ADAMTS7: variants seen among roughly 807,000 people sequenced by gnomAD.
ADAMTS7 encodes A disintegrin and metalloproteinase with thrombospondin motifs 7.
ADAMTS7 carries 89 observed loss-of-function variants against 172.6 expected under a neutral mutation model. That is an observed-to-expected ratio of 0.52 (90% confidence interval 0.43 to 0.61). The LOEUF is 0.61. Among genes scored for constraint, ADAMTS7 ranks in the 20% least tolerant of loss-of-function variants. The pLI, the probability that ADAMTS7 is intolerant of heterozygous loss-of-function variation, is 0.00. For missense variants in ADAMTS7, 1,973 were observed against 2,355.6 expected (o/e 0.84, Z 3.36); for synonymous variants, 885 against 978.4 (o/e 0.90, Z 1.78).
intron 9 of ADAMTS7, chr15:78,777,211 T>C: frequency 4.8e-6 from 3 of 622,856 alleles, no homozygotes; most frequent in South Asian, 4.1e-5. Context: ...CGAAGGGACT[T>C]GTCCGAAGGG....
chr15:78,762,374 A>G (rs915216317), intron 23 of ADAMTS7, 29 bp downstream of exon 23: 38 of 1,396,388 alleles, frequency 2.7e-5, no homozygotes, highest in Non-Finnish European at 3.5e-5. Context: ...ACCTCACTTC[A>G]GCAGGGAGCC....
chr15:78,774,269 C>T lies in ADAMTS7; in HGVS notation c.1908G>A (p.Ala636=), dbSNP rs755937777. The T allele has an allele frequency of 3.5e-5, 55 of 1,577,088 alleles. No individual in the cohort carries two copies. The highest frequency in any genetic ancestry group is 5.7e-5 in the South Asian group (5 of 87,434). ...GCAGCTTCTCGGCAAAGTACTCATTCGCGGGCCGGCAGTGCAGCTCGCAGG... is the reference window on the plus strand; with the variant it reads ...GCAGCTTCTCGGCAAAGTACTCATTTGCGGGCCGGCAGTGCAGCTCGCAGG... ...VNPCELHCRP[A]NEYFAEKLRD... is the part of the protein sequence containing the mutation. The change falls in exon 13 of 24, where the codon GCG becomes GCA. Residue 636 remains alanine, a synonymous_variant. Coordinates refer to ENST00000388820, the MANE Select transcript of ADAMTS7 (RefSeq NM_014272.5).
chr15:78,775,173 C>T (rs2055322676), intron 11 of ADAMTS7, among the ~76,000 whole-genome samples: 1 of 152,226 alleles, frequency 6.6e-6, no homozygotes, highest in African/African-American at 2.4e-5. Flanking sequence ...GGAGGGACTG[C>T]TCCGAGTCTC....
At chr15:78,764,751 G>A (rs6495267) in intron 19 of ADAMTS7, 44 bp from the exon 20 acceptor site, 548,567 of 1,437,538 alleles carry the variant, frequency 0.38, 111,856 homozygotes, top group Non-Finnish European at 0.43. Flanking sequence ...TCCCATCCCC[G>A]CCAGGCCTCC....
rs2055251712 is a variant in ADAMTS7, at chr15:78,771,689, T to C, written c.2272A>G (p.Asn758Asp). ...GTCCCTGCCACCTGGTAGTCCCCGT[T>C]CCACTGGATGGTCCAGCCACCATTG... ...FLNGGWTIQW[N>D]GDYQVAGTTF... is the part of the protein sequence containing the mutation. The change falls in exon 15 of 24, where the codon AAC becomes GAC. Residue 758 changes from asparagine (N) to aspartate (D), a missense_variant. Asn to Asp is a conservative substitution (Grantham distance 23, BLOSUM62 1). Around this residue, in one of 8 missense-constraint regions of ADAMTS7, gnomAD observed 771 missense variants for 952.6 expected, o/e 0.81. Coordinates refer to ENST00000388820, the MANE Select transcript of ADAMTS7 (RefSeq NM_014272.5). This position sits in a 1 kb window ranked among gnomAD's most constrained non-coding sequence, Gnocchi z 4.9. 3 of 1,605,542 alleles carry C rather than the reference T, an allele frequency of 1.9e-6. No individual in the cohort carries two copies. The highest frequency in any genetic ancestry group is 2.5e-6 in the Non-Finnish European group (3 of 1,179,914).
At position 78,774,264 on chromosome 15, in the gene ADAMTS7, T is replaced by A. The variant is rs764848621; in HGVS notation, c.1913A>T (p.Glu638Val). 19 of 1,579,086 alleles carry A rather than the reference T, an allele frequency of 1.2e-5. No individual in the cohort carries two copies. The Admixed American group carries it at 1.2e-4, about 10-fold the overall frequency. Residue 638 changes from glutamate to valine, a missense_variant, in exon 13 of 24, where the codon GAG becomes GTG. By Grantham distance (121) the Glu-to-Val change is moderately radical. This residue lies in a region of ADAMTS7 where 526 missense variants were observed against 662.9 expected (regional missense o/e 0.79). Coordinates refer to ENST00000388820, the MANE Select transcript of ADAMTS7 (RefSeq NM_014272.5). ...GTCCCGCAGCTTCTCGGCAAAGTAC[T>A]CATTCGCGGGCCGGCAGTGCAGCTC... ...PCELHCRPAN[E>V]YFAEKLRDAV... is the part of the protein sequence containing the mutation.
chr15:78,776,515 C>A (rs1311100195), intron 10 of ADAMTS7, 182 bp from the exon 11 acceptor site: 1 of 971,112 alleles, frequency 1.0e-6, no homozygotes, highest in South Asian at 1.7e-5. Context: ...AGGAGCTGAG[C>A]GGGGAGTAAA....
At chr15:78,784,550 T>A (rs1304047670) in intron 8 of ADAMTS7, among the ~76,000 whole-genome samples, 1 of 152,090 alleles carries the variant, frequency 6.6e-6, no homozygotes, top group Non-Finnish European at 1.5e-5. Flanking sequence ...AAGAAAGTTG[T>A]CAAATAAATA....
intron 1 of ADAMTS7, among the ~76,000 whole-genome samples, chr15:78,804,908 G>A (rs1379877649): frequency 6.6e-6 from 1 of 152,206 alleles, no homozygotes; most frequent in Non-Finnish European, 1.5e-5. Flanking sequence ...GGACTAGGAA[G>A]CTATGTTTTT....
intron 13 of ADAMTS7, among the ~76,000 whole-genome samples, chr15:78,773,591 G>A (rs897585337): frequency 6.6e-6 from 1 of 152,082 alleles, no homozygotes; most frequent in African/African-American, 2.4e-5. Flanking sequence ...GGTCCTCCTC[G>A]GAGCCCAGGC....
In ADAMTS7 at chr15:78,771,375, C is replaced by G; in HGVS notation, c.2377-72G>C. 2 of 1,605,716 alleles carry G rather than the reference C, an allele frequency of 1.2e-6. No individual in the cohort carries two copies. The highest frequency in any genetic ancestry group is 1.7e-6 in the Non-Finnish European group (2 of 1,175,858). ...CCACCCAGTCCTAAAGGAGCTGACC[C>G]CAGCCACCTCTGTGAACTGCAGCTA... is the stretch of plus-strand genomic sequence containing the variant. On this transcript the variant is annotated intron_variant, in intron 15 of 23. Coordinates refer to ENST00000388820, the MANE Select transcript of ADAMTS7 (RefSeq NM_014272.5). The surrounding 1 kb of genome is among the most constrained non-coding windows in gnomAD (Gnocchi z 4.9).
chr15:78,796,034 C>T lies in ADAMTS7; in HGVS notation c.819+556G>A, dbSNP rs542237497. 1.2e-4 allele frequency among the ~76,000 whole-genome samples: 18 copies of T among 152,342 alleles called. 1 individual carries two copies. The South Asian group carries it at 3.7e-3, about 32-fold the overall frequency. On this transcript the variant is annotated intron_variant, in intron 4 of 23. Transcript: ENST00000388820. The stretch of plus-strand genomic sequence containing the variant: ...AGCAGTTTGCCCACCCCACAAGGTA[C>T]TGTCGTCATGCCCAGTTCACAGATG...
At position 78,798,072 on chromosome 15, in the gene ADAMTS7, C is replaced by A. The variant is rs753084506; in HGVS notation, c.498G>T (p.Glu166Asp). 3.2e-6 allele frequency: 5 copies of A among 1,566,606 alleles called. No individual in the cohort carries two copies. The Middle Eastern group carries it at 5.2e-4, about 162-fold the overall frequency. Residue 166 changes from glutamate to aspartate, a missense_variant, in exon 3 of 24, where the codon GAG becomes GAT. Glu to Asp is a conservative substitution (Grantham distance 45). Around this residue, in one of 8 missense-constraint regions of ADAMTS7, gnomAD observed 306 missense variants for 288.0 expected, o/e 1.06. Transcript: ENST00000388820. The stretch of plus-strand genomic sequence containing the variant: ...GCCGGGCCGGGGCACTGTCCAGGGG[C>A]TCAATGAAGTAGTCCTCGTTGGAGA... Reference protein sequence around the residue: ...FQLSNEDYFIEPLDSAPARPG... With the variant: ...FQLSNEDYFIDPLDSAPARPG...
intron 9 of ADAMTS7, 44 bp from the exon 10 acceptor site, chr15:78,776,885 G>A (rs374315999): frequency 1.4e-6 from 2 of 1,480,682 alleles, no homozygotes; most frequent in African/African-American, 2.8e-5. Context: ...ACCCTCCCCA[G>A]TGCCGCCACC....
rs138150952 is a variant in ADAMTS7, at chr15:78,798,013, C to T, written c.557G>A (p.Arg186His). The T allele has an allele frequency of 1.9e-5, 30 of 1,582,312 alleles. No individual in the cohort carries two copies. Among genetic ancestry groups the T allele is most frequent in the African/African-American group, 6.9e-5 (5 of 72,332 alleles). Residue 186 changes from arginine to histidine, a missense_variant, in exon 3 of 24, where the codon CGT becomes CAT. By Grantham distance (29) the Arg-to-His change is conservative (BLOSUM62 0). Around this residue, in one of 8 missense-constraint regions of ADAMTS7, gnomAD observed 306 missense variants for 288.0 expected, o/e 1.06. Coordinates refer to ENST00000388820, the MANE Select transcript of ADAMTS7 (RefSeq NM_014272.5). The stretch of plus-strand genomic sequence containing the variant: ...CTGTGCCAGCCTCTCCGGGGCCTGA[C>T]GCTTGTACACCACATGGGGCTGGGC... ...GHAQPHVVYK[R>H]QAPERLAQRG...
chr15:78,773,852 C>T (rs929079211), intron 13 of ADAMTS7, among the ~76,000 whole-genome samples: 12 of 152,330 alleles, frequency 7.9e-5, no homozygotes, highest in South Asian at 2.1e-4. Flanking sequence ...GCCTGAGCTC[C>T]GGTTTCCTGG....
Position 78,774,714 on chromosome 15 carries a change from G to A in ADAMTS7, c.1786C>T (p.Arg596Cys), listed in dbSNP as rs751603055. The part of the protein sequence containing the change: ...LCNLQACPAG[R>C]PSFRHVQCSH... ...CACTGGACGTGGCGGAAGGAGGGGC[G>A]GCCAGCAGGGCAGGCCTGCAGGTTG... is the stretch of plus-strand genomic sequence containing the variant. Residue 596 changes from arginine to cysteine, a missense_variant, in exon 12 of 24, where the codon CGC becomes TGC. By Grantham distance (180) the Arg-to-Cys change is radical. Coordinates refer to ENST00000388820, the MANE Select transcript of ADAMTS7 (RefSeq NM_014272.5). 39 of 1,611,488 alleles carry A rather than the reference G, an allele frequency of 2.4e-5. No individual in the cohort carries two copies. The highest frequency in any genetic ancestry group is 2.4e-4 in the African/African-American group (18 of 74,870).
In ADAMTS7 at chr15:78,802,591, C is replaced by T. The variant is rs151161474; in HGVS notation, c.101-2044G>A. Among the ~76,000 whole-genome samples, 425 of 152,350 alleles carry T rather than the reference C, an allele frequency of 2.8e-3. 2 individuals carry two copies. The highest frequency in any genetic ancestry group is 9.3e-3 in the African/African-American group (388 of 41,590). ...TGCTCAGGCCCTTGCAGTTTAAAAA[C>T]CCCTCTCTGTTGCTCTGTCCTCCTG... On this transcript the variant is annotated intron_variant, in intron 1 of 23. Transcript: ENST00000388820.
chr15:78,792,921 C>T (rs1460256226), intron 4 of ADAMTS7, among the ~76,000 whole-genome samples: 7 of 152,178 alleles, frequency 4.6e-5, no homozygotes, highest in Non-Finnish European at 1.0e-4. Context: ...CACCCAAGCT[C>T]TAGGACTCAG....
Sources: allele counts gnomAD v4.1 joint callset (sites outside exome capture counted in the v4.1 genomes callset), GRCh38; gene constraint gnomAD v4.1.1; regional missense constraint gnomAD v4.1.1; non-coding constraint Gnocchi (gnomAD v3.1); transcripts MANE v1.5; gene names NCBI Gene and HGNC (gene_info 2026-07-23, HGNC 2026-07-21).